Variants in RBFOX1 observed in about 807,000 individuals in gnomAD.
RBFOX1 encodes RNA binding fox-1 homolog 1.
RBFOX1 carries 8 observed loss-of-function variants against 57.7 expected under a neutral mutation model. The ratio of observed to expected loss-of-function variants is 0.14; its 90% CI spans 0.08 to 0.25. The LOEUF (loss-of-function observed/expected upper bound fraction) is 0.25, where lower values mean the gene tolerates loss of function less well. RBFOX1 is among the 10% of genes least tolerant of loss of function. The pLI, the probability that RBFOX1 is intolerant of heterozygous loss-of-function variation, is 1.00. For missense variants in RBFOX1, 611 were observed against 548.5 expected (o/e 1.11, Z -1.14); for synonymous variants, 326 against 222.4 (o/e 1.47, Z -4.15).
intron 4 of RBFOX1, among the ~76,000 whole-genome samples, chr16:5,884,076 C>T (rs1211618548): frequency 6.6e-6 from 1 of 152,176 alleles, no homozygotes; most frequent in African/African-American, 2.4e-5. Flanking sequence ...TGGGGATAAT[C>T]ACTGTAGCTG....
intron 4 of RBFOX1, among the ~76,000 whole-genome samples, chr16:7,287,760 G>C (rs1013660860): frequency 1.3e-5 from 2 of 152,090 alleles, no homozygotes; most frequent in African/African-American, 4.8e-5. Flanking sequence ...TTTAGAAAGA[G>C]ATAAATTTAG....
chr16:7,183,134 A>G (rs1475414877), intron 4 of RBFOX1, among the ~76,000 whole-genome samples: 3 of 152,164 alleles, frequency 2.0e-5, no homozygotes, highest in African/African-American at 7.2e-5. Context: ...TGGGATCAGT[A>G]TTCAACCCTC....
At chr16:6,562,801 G>T (rs911001955) in intron 2 of RBFOX1, among the ~76,000 whole-genome samples, 1 of 148,720 alleles carries the variant, frequency 6.7e-6, no homozygotes. Context: ...TTGAGTCTGT[G>T]TAAGCAACTG....
chr16:6,520,262 G>C (rs1194482514), intron 2 of RBFOX1, among the ~76,000 whole-genome samples: 2 of 152,176 alleles, frequency 1.3e-5, no homozygotes, highest in African/African-American at 4.8e-5. Flanking sequence ...GTTGAATTTT[G>C]ATAGTATTGC....
chr16:6,893,365 A>C lies in RBFOX1; in HGVS notation c.-15-158692A>C, dbSNP rs547360072. 7.9e-5 allele frequency among the ~76,000 whole-genome samples: 12 copies of C among 152,292 alleles called. No homozygotes were observed. In the East Asian group the frequency reaches 1.9e-3, roughly 25 times the overall value. On this transcript the variant is annotated intron_variant, in intron 3 of 15. Coordinates refer to ENST00000550418, the MANE Select transcript of RBFOX1 (RefSeq NM_018723.4). ...CTAAAAATACACGATCAAGTCACAA[A>C]AGCACAAGATAAAAAGAAGGCTTTC...
chr16:6,451,981 T>C (rs1333371316), intron 2 of RBFOX1, among the ~76,000 whole-genome samples: 1 of 148,016 alleles, frequency 6.8e-6, no homozygotes, highest in Non-Finnish European at 1.5e-5. Context: ...CTTCCATGAC[T>C]CTATCCATGG....
chr16:7,078,863 CTT>C (rs57410575), intron 4 of RBFOX1, among the ~76,000 whole-genome samples: 6 of 52,746 alleles, frequency 1.1e-4, no homozygotes, highest in African/African-American at 4.7e-4. Flanking sequence ...ATATATATAC[CTT>C]TTTTTTTTTT....
At chr16:5,443,273 T>C (rs2068140263) in intron 1 of RBFOX1, among the ~76,000 whole-genome samples, 1 of 152,156 alleles carries the variant, frequency 6.6e-6, no homozygotes, top group South Asian at 2.1e-4. Context: ...AAGCTCCAGG[T>C]CACCTGACTA....
At chr16:6,916,830 G>GT (rs2073287360) in intron 3 of RBFOX1, among the ~76,000 whole-genome samples, 1 of 151,926 alleles carries the variant, frequency 6.6e-6, no homozygotes, top group Admixed American at 6.6e-5. Context: ...CCTTGATCTT[G>GT]TTTTTTTATT....
intron 4 of RBFOX1, among the ~76,000 whole-genome samples, chr16:7,377,754 G>A (rs188447531): frequency 6.7e-4 from 102 of 152,306 alleles, no homozygotes; most frequent in Middle Eastern, 3.4e-3. Flanking sequence ...TAAACAAGAC[G>A]TCTAGGCCCC....
At chr16:7,654,792 C>T (rs557722003) in intron 12 of RBFOX1, among the ~76,000 whole-genome samples, 13 of 152,284 alleles carry the variant, frequency 8.5e-5, no homozygotes, top group African/African-American at 2.6e-4. Context: ...GGGACATTTG[C>T]AAGGTCTAGA....
At chr16:6,739,738 G>A (rs1026163895) in intron 3 of RBFOX1, among the ~76,000 whole-genome samples, 6 of 152,042 alleles carry the variant, frequency 3.9e-5, no homozygotes, top group East Asian at 1.9e-4. Flanking sequence ...TTAGCTGGGC[G>A]TGGTGGCAGG....
chr16:7,075,613 C>T (rs563464239), intron 4 of RBFOX1, among the ~76,000 whole-genome samples: 2 of 152,124 alleles, frequency 1.3e-5, no homozygotes. Flanking sequence ...CGGAGTCTCG[C>T]TCTGTTGCGC....
At chr16:7,417,372 C>CAG (rs1555881998) in intron 4 of RBFOX1, among the ~76,000 whole-genome samples, 7 of 122,644 alleles carry the variant, frequency 5.7e-5, no homozygotes, top group Non-Finnish European at 9.9e-5. Flanking sequence ...GACTCTGTGT[C>CAG]AAAGAAAAAA....
chr16:5,504,554 CT>C (rs776591261), intron 2 of RBFOX1, among the ~76,000 whole-genome samples: 2 of 152,242 alleles, frequency 1.3e-5, no homozygotes, highest in Non-Finnish European at 2.9e-5. Context: ...CTCCACGCGC[CT>C]GGTGGGTTGG....
chr16:5,751,052 G>T (rs2053180494), intron 3 of RBFOX1, among the ~76,000 whole-genome samples: 1 of 152,138 alleles, frequency 6.6e-6, no homozygotes, highest in African/African-American at 2.4e-5. Flanking sequence ...CATGTTGACT[G>T]GGCTGGTCTC....
At chr16:7,363,231 C>G (rs1053184062) in intron 4 of RBFOX1, among the ~76,000 whole-genome samples, 1 of 152,138 alleles carries the variant, frequency 6.6e-6, no homozygotes, top group Non-Finnish European at 1.5e-5. Context: ...GGTCTGGGTT[C>G]TTTGTCTGTT....
intron 4 of RBFOX1, among the ~76,000 whole-genome samples, chr16:5,901,619 C>T (rs982393063): frequency 2.6e-5 from 4 of 152,168 alleles, no homozygotes; most frequent in African/African-American, 9.7e-5. Flanking sequence ...TCAGAGGCCT[C>T]ATGGAGCTCA....
chr16:5,902,930 T>C (rs995582712), intron 4 of RBFOX1, among the ~76,000 whole-genome samples: 1 of 152,160 alleles, frequency 6.6e-6, no homozygotes, highest in Admixed American at 6.5e-5. Flanking sequence ...GACCATGTGC[T>C]AACCTTGCCC....
Sources: gnomAD v4.1 joint callset for allele counts (sites outside exome capture counted in the v4.1 genomes callset) on GRCh38, gnomAD v4.1.1 for gene constraint, MANE v1.5 for transcripts, NCBI Gene and HGNC (gene_info 2026-07-23, HGNC 2026-07-21) for gene names.